Variants in POLA1 observed in about 807,000 individuals in gnomAD.
The protein encoded by POLA1 is DNA polymerase alpha catalytic subunit.
In POLA1, 15 loss-of-function variants were observed where a neutral mutation model predicts 124.0. The ratio of observed to expected loss-of-function variants is 0.12; its 90% CI spans 0.08 to 0.19. The LOEUF is 0.19. Among genes scored for constraint, POLA1 ranks in the 10% least tolerant of loss-of-function variants. The pLI is 1.00. For synonymous variants in POLA1, 408 were observed against 389.4 expected (o/e 1.05, Z -0.56); for missense variants, 886 against 1,103.4 (o/e 0.80, Z 2.79).
intron 6 of POLA1, among the ~76,000 whole-genome samples, 175 bp downstream of exon 6, chrX:24,715,378 G>C (rs1432079585): frequency 9.0e-6 from 1 of 111,178 alleles, no homozygotes; most frequent in Non-Finnish European, 1.9e-5. Flanking sequence ...TGCAACCTCT[G>C]ATTCCCAGGT....
chrX:24,760,917 G>A (rs1238190356), intron 26 of POLA1, among the ~76,000 whole-genome samples: 1 of 111,808 alleles, frequency 8.9e-6, no homozygotes, highest in Admixed American at 9.5e-5. Flanking sequence ...AGGTTGTGCA[G>A]CTGTCCTTGT....
intron 36 of POLA1, among the ~76,000 whole-genome samples, chrX:24,952,996 A>G (rs757424415): frequency 8.0e-5 from 9 of 112,357 alleles, no homozygotes; most frequent in Non-Finnish European, 1.7e-4. Flanking sequence ...ATAAACATCA[A>G]ATCCTTTACT....
At chrX:24,983,216 C>A (rs1257290572) in intron 36 of POLA1, among the ~76,000 whole-genome samples, 2 of 112,094 alleles carry the variant, frequency 1.8e-5, no homozygotes, top group African/African-American at 6.5e-5. Flanking sequence ...AGAATAGTAT[C>A]TGGCACGTAG....
At chrX:24,846,093 A>C (rs1400598893) in intron 34 of POLA1, among the ~76,000 whole-genome samples, 1 of 112,481 alleles carries the variant, frequency 8.9e-6, no homozygotes, top group Non-Finnish European at 1.9e-5. Context: ...GGAAAAGTAC[A>C]TCACATTCTG....
intron 34 of POLA1, among the ~76,000 whole-genome samples, chrX:24,875,826 C>T (rs191307909): frequency 1.8e-3 from 196 of 111,868 alleles, no homozygotes; most frequent in African/African-American, 5.6e-3. Context: ...GCTTCTCTCT[C>T]GAGATCTCGG....
chrX:24,790,431 G>C (rs1047192267), intron 26 of POLA1, among the ~76,000 whole-genome samples: 5 of 111,446 alleles, frequency 4.5e-5, no homozygotes, highest in Non-Finnish European at 9.4e-5. Flanking sequence ...CTTTGTTGCA[G>C]ATAAGCATGC....
rs777580661 is a variant in POLA1, at chrX:24,876,670, TTGTC to T, written c.4048-11333_4048-11330del. 1.4e-4 allele frequency among the ~76,000 whole-genome samples: 8 copies of T among 58,289 alleles called. No homozygotes were observed. The East Asian group carries it at 2.6e-3, about 19-fold the overall frequency. 50.6% of individuals were successfully genotyped at this position (58,289 alleles called of 115,157 possible). ...TGTTTGTTCTCTAAGCTGAAAAAAT[TTGTC>T]TGGGGTCGGGGGGGGGGATAGTGGT... On this transcript the variant is annotated intron_variant, in intron 34 of 36. Transcript: ENST00000379068.
chrX:24,791,598 A>T (rs1180009027), intron 26 of POLA1, among the ~76,000 whole-genome samples: 13 of 111,877 alleles, frequency 1.2e-4, no homozygotes, highest in Non-Finnish European at 1.9e-5. Flanking sequence ...GTTGGCCAGG[A>T]TGGTCTTGAA....
At chrX:24,913,595 TC>T (rs767567421) in intron 35 of POLA1, among the ~76,000 whole-genome samples, 53 of 110,101 alleles carry the variant, frequency 4.8e-4, no homozygotes, top group African/African-American at 1.7e-3. Context: ...GCACCTGTAA[TC>T]CCAGCTACTT....
chrX:24,979,601 G>T (rs368123074), intron 36 of POLA1, among the ~76,000 whole-genome samples: 21 of 112,071 alleles, frequency 1.9e-4, no homozygotes, highest in African/African-American at 6.8e-4. Context: ...CTGAATCCAG[G>T]CAATTACACT....
intron 1 of POLA1, among the ~76,000 whole-genome samples, chrX:24,697,713 A>G (rs181863114): frequency 2.4e-3 from 271 of 111,517 alleles, no homozygotes; most frequent in Non-Finnish European, 3.8e-3. Context: ...TAATGTTGTT[A>G]TGAACATTCT....
At chrX:24,923,380 G>A (rs1296156633) in intron 35 of POLA1, among the ~76,000 whole-genome samples, 1 of 111,249 alleles carries the variant, frequency 9.0e-6, no homozygotes, top group Non-Finnish European at 1.9e-5. Context: ...GTGGGGGTGG[G>A]GGTTGTCTGT....
At chrX:24,798,530 GTTTAT>G (rs759193302) in intron 26 of POLA1, among the ~76,000 whole-genome samples, 1 of 110,578 alleles carries the variant, frequency 9.0e-6, no homozygotes, top group Non-Finnish European at 1.9e-5. Context: ...TTTTTCTATA[GTTTAT>G]TTTAAGAAAC....
intron 35 of POLA1, among the ~76,000 whole-genome samples, chrX:24,889,432 T>C (rs1183705918): frequency 8.9e-6 from 1 of 112,310 alleles, no homozygotes; most frequent in East Asian, 2.8e-4. Flanking sequence ...TAAACAAGTT[T>C]ATTGCAGATC....
At chrX:24,910,936 T>C (rs1421418209) in intron 35 of POLA1, among the ~76,000 whole-genome samples, 2 of 112,454 alleles carry the variant, frequency 1.8e-5, no homozygotes, top group African/African-American at 6.4e-5. Context: ...CACATTCTTT[T>C]CAAGTGTACA....
chrX:24,876,573 C>T (rs928879204), intron 34 of POLA1, among the ~76,000 whole-genome samples: 4 of 107,766 alleles, frequency 3.7e-5, no homozygotes, highest in Non-Finnish European at 7.6e-5. Context: ...ATTTTCATTG[C>T]CATGAAGAGC....
At chrX:24,885,351 T>C (rs1346598423) in intron 34 of POLA1, among the ~76,000 whole-genome samples, 2 of 111,583 alleles carry the variant, frequency 1.8e-5, no homozygotes, top group African/African-American at 6.5e-5. Flanking sequence ...GTATGGTTTG[T>C]TTCCTTTATT....
intron 32 of POLA1, among the ~76,000 whole-genome samples, chrX:24,836,754 A>G (rs1243846184): frequency 1.8e-5 from 2 of 111,471 alleles, no homozygotes. Context: ...GGAAGTATAT[A>G]TTACAGTTTG....
At chrX:24,744,888 G>T (rs1392771547) in intron 23 of POLA1, among the ~76,000 whole-genome samples, 3 of 105,967 alleles carry the variant, frequency 2.8e-5, no homozygotes, top group Non-Finnish European at 5.8e-5. Flanking sequence ...GGAGGCAGAG[G>T]TTGCGGTGAG....
Sources: gnomAD v4.1 joint callset for allele counts (sites outside exome capture counted in the v4.1 genomes callset) on GRCh38, gnomAD v4.1.1 for gene constraint, MANE v1.5 for transcripts, NCBI Gene and HGNC (gene_info 2026-07-23, HGNC 2026-07-21) for gene names.